The following IMPG1 variants were observed in gnomAD, a reference collection of about 807,000 sequenced individuals.
IMPG1 encodes interphotoreceptor matrix proteoglycan 1.
IMPG1 carries 85 observed loss-of-function variants against 92.0 expected under a neutral mutation model. That is an observed-to-expected ratio of 0.92 (90% CI 0.78 to 1.11). The LOEUF (loss-of-function observed/expected upper bound fraction) is 1.11, where lower values mean the gene tolerates loss of function less well. Among genes scored for constraint, IMPG1 ranks in the 50% least tolerant of loss-of-function variants. IMPG1 has a pLI of 0.00. For missense variants in IMPG1, 1,022 were observed against 956.0 expected, an observed-to-expected ratio of 1.07 and a Z score of -0.91; for synonymous variants, 367 against 334.1, an observed-to-expected ratio of 1.10 and a Z score of -1.08.
intron 1 of IMPG1, among the ~76,000 whole-genome samples, chr6:76,065,761 C>T (rs1260202356): frequency 6.6e-6 from 1 of 151,994 alleles, no homozygotes; most frequent in Non-Finnish European, 1.5e-5. Flanking sequence ...ATGAACTTCA[C>T]AGAGATATAT....
At chr6:75,942,988 C>T (rs569007756) in intron 14 of IMPG1, among the ~76,000 whole-genome samples, 11 of 151,958 alleles carry the variant, frequency 7.2e-5, no homozygotes, top group East Asian at 5.8e-4. Context: ...TTATAAGATA[C>T]GCAGATTCAT....
At chr6:76,011,691 C>T (rs374723555) in intron 7 of IMPG1, among the ~76,000 whole-genome samples, 9 of 150,232 alleles carry the variant, frequency 6.0e-5, no homozygotes, top group African/African-American at 2.2e-4. Flanking sequence ...CCCACTAACT[C>T]GTCATCTAGC....
At chr6:75,955,724 T>C (rs1407666515) in intron 12 of IMPG1, among the ~76,000 whole-genome samples, 1 of 152,220 alleles carries the variant, frequency 6.6e-6, no homozygotes, top group Non-Finnish European at 1.5e-5. Context: ...CAGTGTGATA[T>C]TGGCTGTGGG....
chr6:75,924,713 A>AATATAATTATATGATATATCATATATT (rs1781516340), intron 15 of IMPG1, among the ~76,000 whole-genome samples: 2 of 9,448 alleles, frequency 2.1e-4, no homozygotes, highest in Non-Finnish European at 3.8e-4. Flanking sequence ...TATAATATAT[A>AATATAATTATATGATATATCATATATT]ATATATAATA....
chr6:75,991,525 G>T (rs762957637), intron 12 of IMPG1, among the ~76,000 whole-genome samples: 16 of 152,112 alleles, frequency 1.1e-4, no homozygotes, highest in Non-Finnish European at 1.9e-4. Context: ...ACCATGTCTC[G>T]ATCACTTGAG....
At chr6:76,009,611 C>T (rs940491542) in intron 8 of IMPG1, among the ~76,000 whole-genome samples, 39 of 152,208 alleles carry the variant, frequency 2.6e-4, no homozygotes, top group Admixed American at 1.9e-3. Context: ...TTCATGTCAT[C>T]ATGGAAATCA....
At chr6:76,024,777 A>T (rs1273716664) in intron 5 of IMPG1, 23 of 298,108 alleles carry the variant, frequency 7.7e-5, no homozygotes, top group South Asian at 6.8e-4. Context: ...ATCCATATGG[A>T]TGCAACAGAA....
chr6:76,059,429 C>G (rs1001618657), intron 1 of IMPG1, among the ~76,000 whole-genome samples: 14 of 151,288 alleles, frequency 9.3e-5, no homozygotes, highest in Admixed American at 9.2e-4. Context: ...AAAATAGAAA[C>G]CCTAAGATAG....
At chr6:76,050,156 T>G (rs1784014232) in intron 1 of IMPG1, among the ~76,000 whole-genome samples, 1 of 152,128 alleles carries the variant, frequency 6.6e-6, no homozygotes, top group Non-Finnish European at 1.5e-5. Flanking sequence ...AAATTAGGTT[T>G]GGGCCGGGCA....
At chr6:76,058,520 T>C (rs747243350) in intron 1 of IMPG1, among the ~76,000 whole-genome samples, 1 of 152,156 alleles carries the variant, frequency 6.6e-6, no homozygotes, top group Non-Finnish European at 1.5e-5. Context: ...AAGGGAGTAA[T>C]ATTTGAGATT....
intron 1 of IMPG1, among the ~76,000 whole-genome samples, chr6:76,066,780 A>G (rs78587259): frequency 0.026 from 3,896 of 152,272 alleles, 138 homozygotes; most frequent in African/African-American, 0.086. Context: ...AACATTTTCC[A>G]AGAAAAACCG....
At chr6:76,027,049 C>T (rs985192060) in intron 4 of IMPG1, among the ~76,000 whole-genome samples, 1 of 152,016 alleles carries the variant, frequency 6.6e-6, no homozygotes. Flanking sequence ...ATTAATTTGG[C>T]CTAAAGAAAG....
rs11426835 is a variant in IMPG1 at position 75,989,049 on chromosome 6, C to CA, written c.1291+13868_1291+13869insT. Among the ~76,000 whole-genome samples the CA allele has an allele frequency of 8.9e-3, 1,352 of 152,252 alleles. 25 individuals are homozygous for CA. The highest frequency in any genetic ancestry group is 0.031 in the African/African-American group (1,284 of 41,530). ...TTTCCTTCCTCTGGTCTTCTTCCTC[C>CA]TTACCACTGCCAGTTCTCTCAGCTG... On this transcript the variant is annotated intron_variant, in intron 12 of 16. Transcript: ENST00000369950.
intron 14 of IMPG1, among the ~76,000 whole-genome samples, chr6:75,945,246 T>A (rs1475953637): frequency 1.3e-5 from 2 of 152,226 alleles, no homozygotes. Flanking sequence ...CTACTAATGT[T>A]TATTAAGTAA....
rs569948757 is a variant in IMPG1 at position 76,018,748 on chromosome 6, G to T, written c.777C>A (p.Tyr259Ter). The part of the protein sequence containing the change: ...AELADSQSPY[Y>*]QELAGKSQLQ... ...GTTGGGACTTTCCTGCTAGCTCCTG[G>T]TAATATGGGGACTGGGAGTCAGCGA... Residue 259 changes from tyrosine (Y) to a stop codon, truncating the protein, a stop_gained, in exon 7 of 17, where the codon TAC becomes TAA. Coordinates refer to ENST00000369950, the MANE Select transcript of IMPG1 (RefSeq NM_001563.4). LOFTEE classifies it high-confidence loss of function. 4 of 1,613,408 alleles carry T rather than the reference G, an allele frequency of 2.5e-6. No individual in the cohort carries two copies. In the South Asian group the frequency reaches 3.3e-5, roughly 13 times the overall value.
At chr6:75,956,589 T>C (rs1012567455) in intron 12 of IMPG1, among the ~76,000 whole-genome samples, 2 of 152,192 alleles carry the variant, frequency 1.3e-5, no homozygotes, top group African/African-American at 4.8e-5. Flanking sequence ...TGTCTCTATC[T>C]TCTTCACTTC....
chr6:75,931,807 C>G (rs979099020), intron 14 of IMPG1, among the ~76,000 whole-genome samples: 7 of 152,206 alleles, frequency 4.6e-5, no homozygotes, highest in African/African-American at 1.7e-4. Flanking sequence ...ATTCCTAATT[C>G]TATAGGGTTG....
chr6:75,955,909 T>C (rs1055386587), intron 12 of IMPG1, among the ~76,000 whole-genome samples: 3 of 152,228 alleles, frequency 2.0e-5, no homozygotes, highest in African/African-American at 7.2e-5. Context: ...CGTTTATTGA[T>C]TTGCGTATGT....
intron 1 of IMPG1, among the ~76,000 whole-genome samples, chr6:76,051,830 C>A (rs769856583): frequency 6.6e-6 from 1 of 151,888 alleles, no homozygotes; most frequent in Non-Finnish European, 1.5e-5. Context: ...TCTCTTCTTG[C>A]AAAAATCAGG....
Sources: gnomAD v4.1 joint callset for allele counts (sites outside exome capture counted in the v4.1 genomes callset) on GRCh38, gnomAD v4.1.1 for gene constraint, MANE v1.5 for transcripts, NCBI Gene and HGNC (gene_info 2026-07-23, HGNC 2026-07-21) for gene names.